SLIT3: variants seen among roughly 807,000 people sequenced by gnomAD.
The protein encoded by SLIT3 is slit guidance ligand 3, also known as slit homolog 3 protein.
Under a neutral mutation model 184.0 loss-of-function variants are expected in SLIT3, and 68 were observed. The ratio of observed to expected loss-of-function variants is 0.37; its 90% CI spans 0.30 to 0.45. The LOEUF is 0.45. Ranked by LOEUF, SLIT3 falls within the 20% of genes least tolerant of loss-of-function variation. The pLI is 1.00. For synonymous variants in SLIT3, 831 were observed against 828.6 expected (o/e 1.00, Z -0.05); for missense variants, 1,707 against 2,026.0 (o/e 0.84, Z 3.02).
chr5:169,296,208 G>T (rs1195510391), intron 1 of SLIT3, among the ~76,000 whole-genome samples: 5 of 152,166 alleles, frequency 3.3e-5, no homozygotes, highest in Non-Finnish European at 7.3e-5. Flanking sequence ...CAGACTTGTA[G>T]TTTTGAGGTT....
Position 168,919,305 on chromosome 5 carries a change from T to C in SLIT3, c.414-35969A>G, listed in dbSNP as rs73310275. On this transcript the variant is annotated intron_variant, in intron 4 of 35. Coordinates refer to ENST00000519560, the MANE Select transcript of SLIT3 (RefSeq NM_003062.4). ...CATAGGATATATACAAACAAAATGATGTTTGTTGCAGCATTGTATTAGCAG... is the reference window on the plus strand; with the variant it reads ...CATAGGATATATACAAACAAAATGACGTTTGTTGCAGCATTGTATTAGCAG... Among the ~76,000 whole-genome samples, 397 of 151,400 alleles carry C rather than the reference T, an allele frequency of 2.6e-3. 4 individuals carry two copies. Among genetic ancestry groups the C allele is most frequent in the African/African-American group, 9.4e-3 (389 of 41,320 alleles).
chr5:169,139,611 C>A (rs1486177595), intron 4 of SLIT3, among the ~76,000 whole-genome samples: 1 of 152,154 alleles, frequency 6.6e-6, no homozygotes, highest in Admixed American at 6.5e-5. Flanking sequence ...CCTAGTTGAG[C>A]AATCAAAACA....
intron 4 of SLIT3, among the ~76,000 whole-genome samples, chr5:169,156,161 G>T (rs983461317): frequency 2.6e-5 from 4 of 152,296 alleles, no homozygotes; most frequent in Non-Finnish European, 5.9e-5. Context: ...ACTATGAGAT[G>T]CCCAGGTCAT....
At chr5:169,217,693 G>A (rs1175639194) in intron 3 of SLIT3, among the ~76,000 whole-genome samples, 1 of 152,154 alleles carries the variant, frequency 6.6e-6, no homozygotes, top group Non-Finnish European at 1.5e-5. Flanking sequence ...AGTAATTGCT[G>A]AATCAATGAG....
At chr5:168,942,083 T>A (rs1160365848) in intron 4 of SLIT3, among the ~76,000 whole-genome samples, 1 of 152,200 alleles carries the variant, frequency 6.6e-6, no homozygotes, top group African/African-American at 2.4e-5. Context: ...GACCCAGGCC[T>A]GGCCAATCTG....
intron 9 of SLIT3, among the ~76,000 whole-genome samples, chr5:168,805,807 G>A (rs1358314719): frequency 1.3e-5 from 2 of 152,154 alleles, no homozygotes; most frequent in Non-Finnish European, 2.9e-5. Flanking sequence ...ATTTGTTTAC[G>A]TCCCACCACT....
At chr5:168,736,143 T>C (rs62378472) in intron 20 of SLIT3, among the ~76,000 whole-genome samples, 7,498 of 152,288 alleles carry the variant, frequency 0.049, 196 homozygotes, top group African/African-American at 0.075. Context: ...ATCTTATCTG[T>C]CATGGTAGCC....
chr5:168,868,278 A>C (rs1356656822), intron 5 of SLIT3, among the ~76,000 whole-genome samples: 1 of 152,084 alleles, frequency 6.6e-6, no homozygotes, highest in African/African-American at 2.4e-5. Flanking sequence ...AGTCCTTTCC[A>C]TGTGTCATCT....
intron 4 of SLIT3, among the ~76,000 whole-genome samples, chr5:168,905,096 G>A (rs1186690498): frequency 6.6e-6 from 1 of 152,092 alleles, no homozygotes; most frequent in Non-Finnish European, 1.5e-5. Flanking sequence ...CGAATTGCTC[G>A]AACCCGGGAG....
chr5:168,671,819 TCCC>T (rs957133633), intron 33 of SLIT3, among the ~76,000 whole-genome samples: 1 of 152,040 alleles, frequency 6.6e-6, no homozygotes, highest in African/African-American at 2.4e-5. Flanking sequence ...AGGAGACCGT[TCCC>T]CCCAATAGGC....
At position 168,850,105 on chromosome 5, in the gene SLIT3, G is replaced by GA. The variant is rs559087510; in HGVS notation, c.486-5451dup. On this transcript the variant is annotated intron_variant, in intron 5 of 35. Transcript: ENST00000519560. ...TCAAGGTTATTTTAACTGACAAAAG[G>GA]AAAAAAATTATCTTCAAAAGAAACG... 4.6e-5 allele frequency among the ~76,000 whole-genome samples: 7 copies of GA among 152,046 alleles called. No individual in the cohort carries two copies. In the South Asian group the frequency reaches 6.3e-4, roughly 14 times the overall value.
chr5:168,845,709 T>C (rs564277545), intron 5 of SLIT3, among the ~76,000 whole-genome samples: 52 of 152,278 alleles, frequency 3.4e-4, no homozygotes, highest in African/African-American at 1.1e-3. Context: ...TAGCATATAT[T>C]ACATACATAA....
chr5:169,206,361 CCA>C (rs1171886693), intron 3 of SLIT3, among the ~76,000 whole-genome samples: 2 of 152,242 alleles, frequency 1.3e-5, no homozygotes, highest in Non-Finnish European at 2.9e-5. Flanking sequence ...GCACAGCCCA[CCA>C]CAGATTCTCC....
At chr5:169,161,663 T>TG (rs1310444822) in intron 4 of SLIT3, among the ~76,000 whole-genome samples, 2 of 152,088 alleles carry the variant, frequency 1.3e-5, no homozygotes, top group African/African-American at 4.8e-5. Flanking sequence ...TTTTTTTTTT[T>TG]TTTTCATGTA....
At chr5:168,718,430 C>T (rs1762818829) in intron 23 of SLIT3, among the ~76,000 whole-genome samples, 1 of 152,032 alleles carries the variant, frequency 6.6e-6, no homozygotes, top group Non-Finnish European at 1.5e-5. Context: ...TCCAGGTGGC[C>T]CTCCTGCGAC....
intron 7 of SLIT3, among the ~76,000 whole-genome samples, chr5:168,821,196 G>A (rs998086373): frequency 2.0e-5 from 3 of 152,076 alleles, no homozygotes; most frequent in East Asian, 1.9e-4. Context: ...CTCTTCCCCC[G>A]CCCTACTGCA....
chr5:168,843,249 C>T (rs10058692), intron 6 of SLIT3, among the ~76,000 whole-genome samples: 2,207 of 152,220 alleles, frequency 0.014, 56 homozygotes, highest in African/African-American at 0.05. Flanking sequence ...TGTGGAGAGG[C>T]TCTCTCCAAC....
At position 169,036,825 on chromosome 5, in the gene SLIT3, C is replaced by T. The variant is rs543153516; in HGVS notation, c.414-153489G>A. Among the ~76,000 whole-genome samples the T allele has an allele frequency of 6.9e-4, 105 of 152,208 alleles. 1 individual carries two copies. The highest frequency in any genetic ancestry group is 5.4e-3 in the South Asian group (26 of 4,820). On this transcript the variant is annotated intron_variant, in intron 4 of 35. Transcript: ENST00000519560. ...CTTATTGACGTTCAGAGATTTCACT[C>T]GGTATTAAGTTGGACGACCTTCTTC...
At chr5:168,875,134 TGA>T (rs1254987530) in intron 5 of SLIT3, among the ~76,000 whole-genome samples, 2 of 110,622 alleles carry the variant, frequency 1.8e-5, no homozygotes, top group Admixed American at 1.2e-4. Context: ...GGAGAAAGAA[TGA>T]GAGGGAGGAA....
Sources: gnomAD v4.1 joint callset for allele counts (sites outside exome capture counted in the v4.1 genomes callset) on GRCh38, gnomAD v4.1.1 for gene constraint, MANE v1.5 for transcripts, NCBI Gene and HGNC (gene_info 2026-07-23, HGNC 2026-07-21) for gene names.